The following UMAD1 variants were observed in gnomAD, a reference collection of about 807,000 sequenced individuals.
The protein encoded by UMAD1 is UBAP1-MVB12-associated (UMA) domain containing 1.
A neutral mutation model predicts 6.1 loss-of-function variants in UMAD1; 8 were observed. The observed-to-expected ratio is 1.30, with a 90% confidence interval of 0.76 to 2.35. UMAD1 has a LOEUF of 2.35. Among genes scored for constraint, UMAD1 ranks in the 30% most tolerant of loss-of-function variants. The pLI is 0.00. For missense variants in UMAD1, 130 were observed against 78.4 expected, an observed-to-expected ratio of 1.66 and a Z score of -2.49; for synonymous variants, 56 against 31.4, an observed-to-expected ratio of 1.78 and a Z score of -2.61.
At chr7:7,850,896 A>G (rs1038254467) in intron 3 of UMAD1, among the ~76,000 whole-genome samples, 3 of 152,106 alleles carry the variant, frequency 2.0e-5, no homozygotes, top group South Asian at 2.1e-4. Context: ...AATATTATAG[A>G]TGGGTTGCAA....
intron 2 of UMAD1, among the ~76,000 whole-genome samples, chr7:7,782,874 T>C (rs1194549102): frequency 1.3e-5 from 2 of 151,920 alleles, no homozygotes; most frequent in Non-Finnish European, 2.9e-5. Flanking sequence ...GGACTACAGA[T>C]GCACGCCACC....
intron 2 of UMAD1, among the ~76,000 whole-genome samples, chr7:7,673,948 G>T (rs1413037318): frequency 6.6e-6 from 1 of 152,122 alleles, no homozygotes; most frequent in Non-Finnish European, 1.5e-5. Flanking sequence ...AAAGGTTTTA[G>T]TGTCTTTAAA....
At chr7:7,666,179 G>A (rs988229639) in intron 1 of UMAD1, among the ~76,000 whole-genome samples, 23 of 125,280 alleles carry the variant, frequency 1.8e-4, no homozygotes, top group African/African-American at 6.6e-4. Context: ...ACTTGGGAAA[G>A]TGTTTTTTGT....
chr7:7,746,218 G>A (rs954284970), intron 2 of UMAD1, among the ~76,000 whole-genome samples: 1 of 152,176 alleles, frequency 6.6e-6, no homozygotes, highest in Non-Finnish European at 1.5e-5. Context: ...GAAGAAACAT[G>A]GTAAAAGCAC....
intron 1 of UMAD1, among the ~76,000 whole-genome samples, chr7:7,657,780 A>G (rs2115085025): frequency 6.6e-6 from 1 of 152,074 alleles, no homozygotes; most frequent in Non-Finnish European, 1.5e-5. Context: ...GCTTATGATT[A>G]TCTTGGCTAT....
chr7:7,742,229 T>C, intron 2 of UMAD1: 1 of 679,488 alleles, frequency 1.5e-6, no homozygotes, highest in Non-Finnish European at 2.8e-6. Flanking sequence ...CTGTTTGATC[T>C]GGTGCTTGTT....
chr7:7,693,993 T>C (rs1780242730), intron 2 of UMAD1, among the ~76,000 whole-genome samples: 1 of 152,218 alleles, frequency 6.6e-6, no homozygotes, highest in Admixed American at 6.5e-5. Context: ...TGTTCTGGAA[T>C]ACTAATGCTT....
chr7:7,874,241 A>G (rs943656097), intron 3 of UMAD1, among the ~76,000 whole-genome samples: 8 of 151,858 alleles, frequency 5.3e-5, no homozygotes, highest in African/African-American at 1.5e-4. Flanking sequence ...ATTTTATCTC[A>G]CCTTTGCTAT....
chr7:7,847,104 AATATATATATATATATATATATATAT>A (rs1170307529), intron 3 of UMAD1, among the ~76,000 whole-genome samples: 458 of 6,608 alleles, frequency 0.069, 58 homozygotes, highest in East Asian at 0.21. Context: ...AAAAAAAAAA[AATATATATATATATATATATATATAT>A]ATATATATAT....
At chr7:7,822,434 A>C (rs1021909319) in intron 3 of UMAD1, among the ~76,000 whole-genome samples, 15 of 151,620 alleles carry the variant, frequency 9.9e-5, no homozygotes, top group Admixed American at 9.2e-4. Context: ...CATCTTGGGC[A>C]ATCTTTTGTA....
chr7:7,675,067 G>GT (rs1779704967), intron 2 of UMAD1, among the ~76,000 whole-genome samples: 1 of 151,994 alleles, frequency 6.6e-6, no homozygotes, highest in South Asian at 2.1e-4. Context: ...GTCTTGCCAT[G>GT]TTGCCCAGGT....
intron 2 of UMAD1, chr7:7,686,146 A>G (rs1563121749): frequency 6.6e-6 from 1 of 152,158 alleles, no homozygotes; most frequent in Non-Finnish European, 1.5e-5. Context: ...TGGAATAATT[A>G]TTTTTATAAG....
intron 1 of UMAD1, among the ~76,000 whole-genome samples, chr7:7,646,196 G>A (rs1785089848): frequency 1.3e-5 from 2 of 152,164 alleles, no homozygotes; most frequent in African/African-American, 4.8e-5. Flanking sequence ...CTGAATTCTT[G>A]TCTAGCATCG....
intron 2 of UMAD1, among the ~76,000 whole-genome samples, chr7:7,722,621 C>T (rs1436203878): frequency 2.0e-5 from 3 of 152,126 alleles, no homozygotes; most frequent in African/African-American, 7.2e-5. Context: ...ATTCTGACTC[C>T]TGGCTACAGA....
intron 1 of UMAD1, among the ~76,000 whole-genome samples, chr7:7,652,265 A>G (rs1424079394): frequency 6.6e-6 from 1 of 152,188 alleles, no homozygotes; most frequent in Non-Finnish European, 1.5e-5. Flanking sequence ...GTAAAGCAGT[A>G]TACTCTTGGT....
At chr7:7,690,911 T>A (rs906150993) in intron 2 of UMAD1, among the ~76,000 whole-genome samples, 4 of 152,230 alleles carry the variant, frequency 2.6e-5, no homozygotes, top group Non-Finnish European at 5.9e-5. Flanking sequence ...ACATCAAATA[T>A]ATTTTAATGT....
chr7:7,852,469 G>A (rs1257068044), intron 3 of UMAD1, among the ~76,000 whole-genome samples: 1 of 152,120 alleles, frequency 6.6e-6, no homozygotes, highest in African/African-American at 2.4e-5. Context: ...CCAGGCCCCT[G>A]GATCTTCTGA....
chr7:7,743,744 T>A, intron 2 of UMAD1, among the ~76,000 whole-genome samples: 1 of 151,526 alleles, frequency 6.6e-6, no homozygotes. Context: ...CATTCTGCAC[T>A]TTTAAAAAAA....
intron 2 of UMAD1, among the ~76,000 whole-genome samples, chr7:7,686,681 ATCT>A (rs925696126): frequency 6.6e-6 from 1 of 152,168 alleles, no homozygotes; most frequent in African/African-American, 2.4e-5. Flanking sequence ...AACCTTTTAA[ATCT>A]TCTTTAGCTT....
Sources: gnomAD v4.1 joint callset for allele counts (sites outside exome capture counted in the v4.1 genomes callset) on GRCh38, gnomAD v4.1.1 for gene constraint, MANE v1.5 for transcripts, NCBI Gene and HGNC (gene_info 2026-07-23, HGNC 2026-07-21) for gene names.